Variants in ANKS1B observed in about 807,000 individuals in gnomAD.
The protein encoded by ANKS1B is ankyrin repeat and sterile alpha motif domain containing 1B, also known as ankyrin repeat and sterile alpha motif domain-containing protein 1B.
A neutral mutation model predicts 148.3 loss-of-function variants in ANKS1B; 36 were observed. The ratio of observed to expected loss-of-function variants is 0.24; its 90% confidence interval spans 0.19 to 0.32. The LOEUF (loss-of-function observed/expected upper bound fraction) is 0.32, where lower values mean the gene tolerates loss of function less well. Ranked by LOEUF, ANKS1B falls within the 10% of genes least tolerant of loss-of-function variation. ANKS1B has a pLI of 1.00. For missense variants in ANKS1B, 1,157 were observed against 1,542.6 expected, an observed-to-expected ratio of 0.75 and a Z score of 4.19; for synonymous variants, 542 against 560.8, an observed-to-expected ratio of 0.97 and a Z score of 0.47.
chr12:99,891,078 T>C (rs947934836), intron 1 of ANKS1B, among the ~76,000 whole-genome samples: 5 of 152,232 alleles, frequency 3.3e-5, no homozygotes, highest in Admixed American at 1.3e-4. Context: ...AGAAGCATAA[T>C]GTTTTTGAAG....
chr12:99,676,104 T>C (rs2098566866), intron 8 of ANKS1B, among the ~76,000 whole-genome samples: 2 of 151,526 alleles, frequency 1.3e-5, no homozygotes, highest in Admixed American at 6.6e-5. Context: ...TCATAAGGGG[T>C]TTTTCCCCCT....
At chr12:99,141,231 T>G (rs2070638507) in intron 15 of ANKS1B, among the ~76,000 whole-genome samples, 1 of 152,130 alleles carries the variant, frequency 6.6e-6, no homozygotes, top group Non-Finnish European at 1.5e-5. Flanking sequence ...TAGCTATTAG[T>G]GTATTTCCGT....
intron 1 of ANKS1B, among the ~76,000 whole-genome samples, chr12:99,830,762 A>T (rs1367535365): frequency 2.0e-5 from 3 of 152,156 alleles, no homozygotes; most frequent in African/African-American, 4.8e-5. Flanking sequence ...TTTAATCCAC[A>T]TGATTTGTTC....
At chr12:99,549,789 C>T (rs1427313350) in intron 9 of ANKS1B, among the ~76,000 whole-genome samples, 5 of 152,182 alleles carry the variant, frequency 3.3e-5, no homozygotes, top group African/African-American at 7.2e-5. Context: ...TGTAAACTCC[C>T]GCCATTCCAC....
At chr12:98,804,796 G>C (rs565928825) in intron 20 of ANKS1B, among the ~76,000 whole-genome samples, 5 of 152,272 alleles carry the variant, frequency 3.3e-5, no homozygotes, top group African/African-American at 1.2e-4. Flanking sequence ...GAAGCCTAGT[G>C]TTAGGTCTTG....
chr12:99,775,435 C>A (rs958344660), intron 7 of ANKS1B, 113 bp downstream of exon 7: 1 of 581,550 alleles, frequency 1.7e-6, no homozygotes, highest in African/African-American at 1.8e-5. Flanking sequence ...AACAGGAGCT[C>A]TTATAAATGG....
rs944896722 is a variant in ANKS1B, at chr12:99,619,708, A to G, written c.1272+35359T>C. Among the ~76,000 whole-genome samples the G allele has an allele frequency of 5.3e-5, 8 of 152,034 alleles. No individual in the cohort carries two copies. In the East Asian group the frequency reaches 5.8e-4, roughly 11 times the overall value. ...AGGCAGATTTCTAGGCATTCTGAGAACCTATTCTCCTAGATTAGGAGTTTA... is the reference window on the plus strand; with the variant it reads ...AGGCAGATTTCTAGGCATTCTGAGAGCCTATTCTCCTAGATTAGGAGTTTA... On this transcript the variant is annotated intron_variant, in intron 9 of 26. Coordinates refer to ENST00000683438, the MANE Select transcript of ANKS1B (RefSeq NM_001352186.2).
At chr12:99,840,033 G>A (rs1335725592) in intron 1 of ANKS1B, among the ~76,000 whole-genome samples, 1 of 152,118 alleles carries the variant, frequency 6.6e-6, no homozygotes, top group Non-Finnish European at 1.5e-5. Context: ...ACAGCAGTTG[G>A]AGAAGGCTGT....
At chr12:99,272,596 C>G (rs1176198084) in intron 12 of ANKS1B, among the ~76,000 whole-genome samples, 2 of 152,002 alleles carry the variant, frequency 1.3e-5, no homozygotes, top group African/African-American at 4.8e-5. Context: ...CATGTAGCCC[C>G]AAAATATGTA....
At chr12:98,975,028 T>C in intron 17 of ANKS1B, among the ~76,000 whole-genome samples, 1 of 122,028 alleles carries the variant, frequency 8.2e-6, no homozygotes, top group African/African-American at 3.1e-5. Flanking sequence ...TCCCCTCCCT[T>C]CCTTCCTTTT....
At chr12:99,359,392 C>A (rs1014383039) in intron 12 of ANKS1B, among the ~76,000 whole-genome samples, 2 of 151,992 alleles carry the variant, frequency 1.3e-5, no homozygotes, top group African/African-American at 2.4e-5. Context: ...TCATTGCTTA[C>A]TACCTATGTG....
At chr12:99,718,995 C>T (rs2057769220) in intron 8 of ANKS1B, among the ~76,000 whole-genome samples, 1 of 152,188 alleles carries the variant, frequency 6.6e-6, no homozygotes, top group East Asian at 1.9e-4. Context: ...ATCTCCCAAA[C>T]CTCAATCCCT....
intron 12 of ANKS1B, among the ~76,000 whole-genome samples, chr12:99,354,276 T>C (rs2091757501): frequency 6.6e-6 from 1 of 152,072 alleles, no homozygotes; most frequent in African/African-American, 2.4e-5. Context: ...CATATACTAA[T>C]TCCTGGGTTC....
At position 98,745,586 on chromosome 12, in the gene ANKS1B, C is replaced by T; in HGVS notation, c.*153G>A. On this transcript the variant is annotated 3_prime_UTR_variant, in exon 27 of 27. Transcript: ENST00000683438. Reference sequence around the variant, plus strand: ...CCATCACTGGTGCAGAAAGAACTTCCCCAGGAATGGCCAGTGGCCTTTCGC... The same window carrying T: ...CCATCACTGGTGCAGAAAGAACTTCTCCAGGAATGGCCAGTGGCCTTTCGC... 1 of 1,404,952 alleles carries T rather than the reference C, an allele frequency of 7.1e-7. No homozygotes were observed. Among genetic ancestry groups the T allele is most frequent in the South Asian group, 1.6e-5 (1 of 64,224 alleles). 87.0% of individuals were successfully genotyped at this position (1,404,952 alleles called of 1,614,324 possible).
intron 8 of ANKS1B, among the ~76,000 whole-genome samples, chr12:99,696,897 C>A (rs981960743): frequency 6.6e-6 from 1 of 152,034 alleles, no homozygotes; most frequent in Non-Finnish European, 1.5e-5. Flanking sequence ...AAACAAATAA[C>A]CCAATTTTTA....
At chr12:99,723,806 C>G (rs115512497) in intron 8 of ANKS1B, among the ~76,000 whole-genome samples, 1 of 152,130 alleles carries the variant, frequency 6.6e-6, no homozygotes, top group African/African-American at 2.4e-5. Context: ...CCCATCTTTG[C>G]TGTTTTCCAG....
intron 9 of ANKS1B, among the ~76,000 whole-genome samples, chr12:99,596,120 A>C (rs1025086929): frequency 2.6e-5 from 4 of 151,896 alleles, no homozygotes; most frequent in African/African-American, 9.7e-5. Context: ...AATATATTAA[A>C]TTTCTAGCAC....
In ANKS1B at chr12:99,058,231, C is replaced by CTTTTT. The variant is rs1032294121; in HGVS notation, c.2626-4927_2626-4923dup. On this transcript the variant is annotated intron_variant, in intron 16 of 26. Transcript: ENST00000683438. The stretch of plus-strand genomic sequence containing the variant: ...CATGCAGAAACTCTGCATGCCACAT[C>CTTTTT]TTTTTTTTTTTTTTTTTTTTTTAAG... 5.5e-3 allele frequency among the ~76,000 whole-genome samples: 688 copies of CTTTTT among 124,596 alleles called. 12 individuals carry two copies. Among genetic ancestry groups the CTTTTT allele is most frequent in the African/African-American group, 0.02 (663 of 32,848 alleles). The allele number at this position is 124,596 out of a possible 152,430, so 81.7% of individuals were successfully genotyped here.
rs375511360 is a variant in ANKS1B, at chr12:98,861,923, C to A, written c.2779-29787G>T. On this transcript the variant is annotated intron_variant, in intron 17 of 26. Transcript: ENST00000683438. ...AAAAGAATGATCCAAAGTAACACTG[C>A]CATTTTGGGGTGAGTGTTCTCTTAT... is the stretch of plus-strand genomic sequence containing the variant. 9.9e-5 allele frequency among the ~76,000 whole-genome samples: 15 copies of A among 152,232 alleles called. No homozygotes were observed. In the South Asian group the frequency reaches 1.9e-3, roughly 19 times the overall value.
Sources: gnomAD v4.1 joint callset for allele counts (sites outside exome capture counted in the v4.1 genomes callset) on GRCh38, gnomAD v4.1.1 for gene constraint, MANE v1.5 for transcripts, NCBI Gene and HGNC (gene_info 2026-07-23, HGNC 2026-07-21) for gene names.